Variants in SNAPC4 observed in about 807,000 individuals in gnomAD.
SNAPC4 encodes small nuclear RNA activating complex polypeptide 4.
In SNAPC4, 127 loss-of-function variants were observed where a neutral mutation model predicts 151.3. The observed-to-expected ratio is 0.84, with a 90% CI of 0.73 to 0.97. The LOEUF (loss-of-function observed/expected upper bound fraction) is 0.97, where lower values mean the gene tolerates loss of function less well. Ranked by LOEUF, SNAPC4 falls within the 50% of genes least tolerant of loss-of-function variation. The pLI is 0.00. For synonymous variants in SNAPC4, 1,002 were observed against 824.4 expected (o/e 1.22, Z -3.69); for missense variants, 2,186 against 1,935.0 (o/e 1.13, Z -2.43).
chr9:136,398,702 C>A, intron 1 of SNAPC4: 1 of 380,904 alleles, frequency 2.6e-6, no homozygotes, highest in Non-Finnish European at 4.9e-6. Flanking sequence ...GCAACCAGCA[C>A]AGGCAGGGAG....
At position 136,380,856 on chromosome 9, in the gene SNAPC4, G is replaced by C. The variant is rs1279314852; in HGVS notation, c.2389-6C>G. 1 of 1,530,652 alleles carries C rather than the reference G, an allele frequency of 6.5e-7. No homozygotes were observed. 94.8% of individuals were successfully genotyped at this position (1,530,652 alleles called of 1,614,324 possible). A position where few individuals can be genotyped will look rare whatever the true frequency, so the allele number is the denominator to read the frequency against. On this transcript the variant is annotated splice_region_variant and splice_polypyrimidine_tract_variant and intron_variant, in intron 19 of 23. Transcript: ENST00000684778. ...GCAGTATCGATGTGGAACAGCTGCG[G>C]GACACAGGAGGCAACCTAACCATAG... is the stretch of plus-strand genomic sequence containing the variant.
chr9:136,392,609 GA>G lies in SNAPC4; in HGVS notation c.738-16del. ...CTGGAAGCTGGCTGGTGGAAGGGAT[GA>G]GGGTATTGGCACCACGCCTGGCTTG... is the stretch of plus-strand genomic sequence containing the variant. On this transcript the variant is annotated splice_polypyrimidine_tract_variant and intron_variant, in intron 8 of 23. Coordinates refer to ENST00000684778, the MANE Select transcript of SNAPC4 (RefSeq NM_003086.4). 1 of 1,613,814 alleles carries G rather than the reference GA, an allele frequency of 6.2e-7. No individual in the cohort carries two copies.
chr9:136,390,387 C>T (rs71508855), intron 10 of SNAPC4, among the ~76,000 whole-genome samples: 8 of 151,840 alleles, frequency 5.3e-5, no homozygotes, highest in African/African-American at 1.7e-4. Context: ...AACCCCGTCT[C>T]TACTAAAAAT....
intron 7 of SNAPC4, 102 bp downstream of exon 7, chr9:136,394,147 T>G: frequency 1.1e-6 from 1 of 951,970 alleles, no homozygotes; most frequent in South Asian, 1.3e-5. Flanking sequence ...TGAACTGGGT[T>G]CAAGAGATCC....
At chr9:136,380,276 G>A (rs1397452065) in intron 20 of SNAPC4, among the ~76,000 whole-genome samples, 2 of 151,750 alleles carry the variant, frequency 1.3e-5, no homozygotes, top group South Asian at 2.1e-4. Flanking sequence ...GGGGTTGGGG[G>A]CAGGGTGGGG....
chr9:136,391,455 T>C (rs1834070645), intron 10 of SNAPC4, among the ~76,000 whole-genome samples: 1 of 152,118 alleles, frequency 6.6e-6, no homozygotes. Context: ...CTAGAGCTAC[T>C]TTGGAAATCT....
At chr9:136,385,713 G>C (rs1380759906) in intron 13 of SNAPC4, among the ~76,000 whole-genome samples, 1 of 152,038 alleles carries the variant, frequency 6.6e-6, no homozygotes, top group Non-Finnish European at 1.5e-5. Context: ...CCACCACCAT[G>C]TGTGGCTAGT....
At chr9:136,380,900 C>T in intron 19 of SNAPC4, 50 bp from the exon 20 acceptor site, 1 of 1,140,708 alleles carries the variant, frequency 8.8e-7, no homozygotes, top group Non-Finnish European at 1.3e-6. Flanking sequence ...GGGAGCAGCT[C>T]CGAAGCTCCA....
At chr9:136,387,883 C>A in intron 11 of SNAPC4, 35 bp from the exon 12 acceptor site, 2 of 1,165,760 alleles carry the variant, frequency 1.7e-6, no homozygotes, top group Non-Finnish European at 2.6e-6. Context: ...CCTGTGGGGC[C>A]GAGACACACA....
intron 22 of SNAPC4, 105 bp downstream of exon 22, chr9:136,377,438 C>T (rs2131461846): frequency 1.5e-6 from 2 of 1,378,296 alleles, no homozygotes; most frequent in Non-Finnish European, 1.9e-6. Flanking sequence ...GCCAGCCTTC[C>T]TGCCCGCAAC....
rs758058334 is a variant in SNAPC4 at position 136,383,263 on chromosome 9, C to T, written c.1906G>A (p.Gly636Ser). ...SPVQVPARAH[G>S]PVPRSAQASH... ...GCCTGGGCAGACCTCGGGACAGGGC[C>T]GTGGGCCCTGGCAGGGACCTGCACC... The change falls in exon 16 of 24, where the codon GGC becomes AGC. Residue 636 changes from glycine to serine, a missense_variant. Coordinates refer to ENST00000684778, the MANE Select transcript of SNAPC4 (RefSeq NM_003086.4). The surrounding 1 kb of genome is among the most constrained non-coding windows in gnomAD (Gnocchi z 4.2). 71 of 1,610,400 alleles carry T rather than the reference C, an allele frequency of 4.4e-5. No individual in the cohort carries two copies. In the South Asian group the frequency reaches 6.4e-4, roughly 14 times the overall value.
chr9:136,386,583 T>C (rs371525012), intron 13 of SNAPC4, among the ~76,000 whole-genome samples: 108 of 143,350 alleles, frequency 7.5e-4, no homozygotes, highest in African/African-American at 2.3e-3. Context: ...TACAGGCATG[T>C]GCCACCACGC....
chr9:136,388,262 C>T (rs1348496108), intron 11 of SNAPC4, among the ~76,000 whole-genome samples, 182 bp downstream of exon 11: 2 of 123,430 alleles, frequency 1.6e-5, no homozygotes, highest in East Asian at 2.2e-4. Flanking sequence ...AGTGAAACTC[C>T]ATCTCAAAAA....
intron 9 of SNAPC4, 109 bp downstream of exon 9, chr9:136,392,413 G>GAACCTGTTGCT: frequency 8.8e-7 from 1 of 1,129,966 alleles, no homozygotes; most frequent in South Asian, 1.2e-5. Context: ...GGTCACAGCA[G>GAACCTGTTGCT]AACCTGTTGC....
chr9:136,376,226 C>A, intron 23 of SNAPC4, 123 bp downstream of exon 23: 2 of 1,192,792 alleles, frequency 1.7e-6, no homozygotes, highest in Non-Finnish European at 2.4e-6. Flanking sequence ...TGGACCTGCC[C>A]ACCTAACCCA....
chr9:136,377,544 T>G lies in SNAPC4; in HGVS notation c.4283A>C (p.Gln1428Pro). The G allele has an allele frequency of 6.6e-7, 1 of 1,506,900 alleles. No individual in the cohort carries two copies. The highest frequency in any genetic ancestry group is 1.3e-5 in the South Asian group (1 of 74,462). The allele number at this position is 1,506,900 out of a possible 1,614,324, so 93.3% of individuals were successfully genotyped here. A position where few individuals can be genotyped will look rare whatever the true frequency, so the allele number is the denominator to read the frequency against. Residue 1428 changes from glutamine (Q) to proline (P), a missense_variant and splice_region_variant, in exon 22 of 24, where the codon CAG becomes CCG. Transcript: ENST00000684778. ...PGCTTATCPI[Q>P]GAPDSGKCSA... Reference sequence around the variant, plus strand: ...AGTGGGGCTGGGCGCCCACCCTACCTGAATGGGGCATGTGGCTGTCGTGCA... The same window carrying G: ...AGTGGGGCTGGGCGCCCACCCTACCGGAATGGGGCATGTGGCTGTCGTGCA...
chr9:136,383,259 G>C lies in SNAPC4; in HGVS notation c.1910C>G (p.Pro637Arg), dbSNP rs759467388. ...PVQVPARAHG[P>R]VPRSAQASHS... ...GGAGGCCTGGGCAGACCTCGGGACAGGGCCGTGGGCCCTGGCAGGGACCTG... is the reference window on the plus strand; with the variant it reads ...GGAGGCCTGGGCAGACCTCGGGACACGGCCGTGGGCCCTGGCAGGGACCTG... Residue 637 changes from proline to arginine, a missense_variant, in exon 16 of 24, where the codon CCT becomes CGT. By Grantham distance (103) the Pro-to-Arg change is moderately radical (BLOSUM62 -2). Coordinates refer to ENST00000684778, the MANE Select transcript of SNAPC4 (RefSeq NM_003086.4). The surrounding 1 kb of genome is among the most constrained non-coding windows in gnomAD (Gnocchi z 4.2). The C allele has an allele frequency of 1.9e-6, 3 of 1,608,444 alleles. No homozygotes were observed. In the Admixed American group the frequency reaches 5.1e-5, roughly 27 times the overall value.
At position 136,378,166 on chromosome 9, in the gene SNAPC4, TC is replaced by T; in HGVS notation, c.3660del (p.Thr1221ArgfsTer186). On this transcript the variant is annotated frameshift_variant, in exon 22 of 24. Coordinates refer to ENST00000684778, the MANE Select transcript of SNAPC4 (RefSeq NM_003086.4). LOFTEE classifies it high-confidence loss of function. ...TGTGTCCCTGAGGGGGACCCCGGCG[TC>T]CCCCTTGGCTCAGTTGCTGGGATGA... ...GGVIPATEPR[G>X]TPGSPSGTQE... The T allele has an allele frequency of 6.2e-7, 1 of 1,611,124 alleles. No individual in the cohort carries two copies. Among genetic ancestry groups the T allele is most frequent in the Non-Finnish European group, 8.5e-7 (1 of 1,179,474 alleles).
intron 4 of SNAPC4, 49 bp downstream of exon 4, chr9:136,395,554 C>G: frequency 6.4e-7 from 1 of 1,571,874 alleles, no homozygotes; most frequent in Non-Finnish European, 8.7e-7. Context: ...CTGTGGGGGG[C>G]TCTGGGGGTG....
Sources: allele counts gnomAD v4.1 joint callset (sites outside exome capture counted in the v4.1 genomes callset), GRCh38; gene constraint gnomAD v4.1.1; non-coding constraint Gnocchi (gnomAD v3.1); transcripts MANE v1.5; gene names NCBI Gene and HGNC (gene_info 2026-07-23, HGNC 2026-07-21).